The following COL6A3 variants were observed in gnomAD, a reference collection of about 807,000 sequenced individuals.
COL6A3 encodes collagen alpha-3(VI) chain.
Under a neutral mutation model 274.1 loss-of-function variants are expected in COL6A3, and 137 were observed. The observed-to-expected ratio is 0.50, with a 90% CI of 0.44 to 0.58. The LOEUF (loss-of-function observed/expected upper bound fraction) is 0.58. Among genes scored for constraint, COL6A3 ranks in the 20% least tolerant of loss-of-function variants. The pLI, the probability that COL6A3 is intolerant of heterozygous loss-of-function variation, is 0.00. For missense variants in COL6A3, 3,950 were observed against 4,124.9 expected (o/e 0.96, Z 1.16); for synonymous variants, 1,650 against 1,650.6 (o/e 1.00, Z 0.01).
rs1261167748 is a variant in COL6A3, at chr2:237,396,760, A to T, written c.58T>A (p.Phe20Ile). 2 of 1,614,220 alleles carry T rather than the reference A, an allele frequency of 1.2e-6. No homozygotes were observed. Among genetic ancestry groups the T allele is most frequent in the South Asian group, 2.2e-5 (2 of 91,082 alleles). ...TGCTGCTGGGCATGAGTTGTAGGAA[A>T]GCCTGAGAGAAAGAGGCAAAAGACG... ...VAVFCLFLSG[F>I]PTTHAQQQQA... is the part of the protein sequence containing the mutation. The change falls in exon 2 of 44, where the codon TTT (phenylalanine) becomes ATT (isoleucine). Residue 20 changes from phenylalanine to isoleucine, a missense_variant. Phe to Ile is a conservative substitution (Grantham distance 21). Around this residue, in one of 5 missense-constraint regions of COL6A3, gnomAD observed 1,934 missense variants for 1,984.3 expected, o/e 0.97. Coordinates refer to ENST00000295550, the MANE Select transcript of COL6A3 (RefSeq NM_004369.4).
Position 237,381,464 on chromosome 2 carries a change from C to T in COL6A3, c.1348G>A (p.Val450Met), listed in dbSNP as rs1462629244. 1.9e-6 allele frequency: 3 copies of T among 1,606,766 alleles called. No homozygotes were observed. The highest frequency in any genetic ancestry group is 2.7e-5 in the African/African-American group (2 of 74,918). Residue 450 changes from valine to methionine, a missense_variant, in exon 5 of 44, where the codon GTG becomes ATG. Transcript: ENST00000295550. ...AGTCCCAGTGCAGATGAGCCATCCA[C>T]CAGGAAGACTATGTCTCTCTTGTTG... ...EVNKRDIVFL[V>M]DGSSALGLAN...
chr2:237,381,114 G>A lies in COL6A3; in HGVS notation c.1698C>T (p.Ser566=), dbSNP rs1489034488. The A allele has an allele frequency of 2.5e-6, 4 of 1,614,256 alleles. No individual in the cohort carries two copies. Among genetic ancestry groups the A allele is most frequent in the Non-Finnish European group, 3.4e-6 (4 of 1,180,050 alleles). ...TTCTCTTCAGCTCCTGGGCAGGCTG[G>A]CTGATTTCATCTAGGGACTTACCAC... ...ITGGKSLDEI[S]QPAQELKRSS... Residue 566 remains serine, a synonymous_variant, in exon 5 of 44, where the codon AGC becomes AGT. Coordinates refer to ENST00000295550, the MANE Select transcript of COL6A3 (RefSeq NM_004369.4).
rs74971499 is a variant in COL6A3 at position 237,348,993 on chromosome 2, G to A, written c.6880-330C>T. Among the ~76,000 whole-genome samples the A allele has an allele frequency of 3.9e-4, 60 of 152,218 alleles. 1 individual carries two copies. The East Asian group carries it at 0.011, about 27-fold the overall frequency. On this transcript the variant is annotated intron_variant, in intron 28 of 43. Transcript: ENST00000295550. ...ACCCCAAGAATCTTAGAATTGACAG[G>A]AATCTTGATGGTTACTTTGATTCTA... is the stretch of plus-strand genomic sequence containing the variant.
At position 237,374,391 on chromosome 2, in the gene COL6A3, T is replaced by G. The variant is rs1236506612; in HGVS notation, c.3679+21A>C. 1 of 1,609,336 alleles carries G rather than the reference T, an allele frequency of 6.2e-7. No homozygotes were observed. The highest frequency in any genetic ancestry group is 8.5e-7 in the Non-Finnish European group (1 of 1,179,974). On this transcript the variant is annotated intron_variant, in intron 8 of 43. Coordinates refer to ENST00000295550, the MANE Select transcript of COL6A3 (RefSeq NM_004369.4). The surrounding 1 kb of genome is among the most constrained non-coding windows in gnomAD (Gnocchi z 4.8). ...CCCAGACAATGACACTGAGTGAGGA[T>G]GCAAAGAGTTCCCTGCGTACCTGGG...
intron 1 of COL6A3, among the ~76,000 whole-genome samples, chr2:237,397,357 TGGAA>T (rs1026754284): frequency 1.2e-4 from 12 of 103,972 alleles, no homozygotes; most frequent in Admixed American, 9.7e-4. Flanking sequence ...GAAGGAAGGA[TGGAA>T]GGAAGGAAGG....
intron 1 of COL6A3, among the ~76,000 whole-genome samples, chr2:237,397,464 A>AGAGGGAGG (rs576912214): frequency 8.1e-6 from 1 of 122,876 alleles, no homozygotes; most frequent in Admixed American, 8.8e-5. Context: ...AGAAAGAGAG[A>AGAGGGAGG]GAGGGAGGGA....
rs1553545646 is a variant in COL6A3 at position 237,339,076 on chromosome 2, A to G, written c.8506T>C (p.Cys2836Arg). 6.2e-7 allele frequency: 1 copy of G among 1,614,166 alleles called. No individual in the cohort carries two copies. The highest frequency in any genetic ancestry group is 8.5e-7 in the Non-Finnish European group (1 of 1,180,018). ...FYLSPDIRKQ[C>R]DWFQGDQPTK... is the part of the protein sequence containing the mutation. ...GGTTGGTCCCCTTGGAACCAATCACACTGTTTCCTGATATCTGGGGACAAG... is the reference window on the plus strand; with the variant it reads ...GGTTGGTCCCCTTGGAACCAATCACGCTGTTTCCTGATATCTGGGGACAAG... The change falls in exon 39 of 44, where the codon TGT (cysteine) becomes CGT (arginine). Residue 2836 changes from cysteine (C) to arginine (R), a missense_variant. Physicochemically the swap from Cys to Arg is radical, Grantham distance 180. Around this residue, in one of 5 missense-constraint regions of COL6A3, gnomAD observed 1,284 missense variants for 1,349.7 expected, o/e 0.95. Transcript: ENST00000295550.
chr2:237,348,729 C>T, intron 28 of COL6A3, 66 bp from the exon 29 acceptor site: 2 of 1,425,536 alleles, frequency 1.4e-6, no homozygotes, highest in Non-Finnish European at 2.0e-6. Context: ...ACCGTCTCTG[C>T]CCTGCCGCTG....
At chr2:237,388,692 T>C (rs900083752) in intron 3 of COL6A3, among the ~76,000 whole-genome samples, 1 of 152,240 alleles carries the variant, frequency 6.6e-6, no homozygotes, top group African/African-American at 2.4e-5. Flanking sequence ...CACGATTTGG[T>C]GATTCCTCAA....
At chr2:237,357,502 C>T (rs2077343954) in intron 22 of COL6A3, 111 bp from the exon 23 acceptor site, 1 of 1,024,452 alleles carries the variant, frequency 9.8e-7, no homozygotes. Context: ...GAGGAAGAGC[C>T]CGTCTGCAGG....
rs746239634 is a variant in COL6A3, at chr2:237,333,439, T to C, written c.9328+11A>G. ...AGTGCCATTAATGGACCTAATAGTT[T>C]CACAACTCACCTGTTTCAGTGAGAG... On this transcript the variant is annotated intron_variant, in intron 42 of 43. Transcript: ENST00000295550. 3 of 1,612,220 alleles carry C rather than the reference T, an allele frequency of 1.9e-6. No homozygotes were observed. Among genetic ancestry groups the C allele is most frequent in the Non-Finnish European group, 2.5e-6 (3 of 1,178,282 alleles).
rs781014458 is a variant in COL6A3, at chr2:237,395,065, A to G, written c.231T>C (p.His77=). ...TTCCGTTGAACTGGACCAGAGCAAA[A>G]TGGAAATCATTTTCTCCCACAGCTA... The part of the protein sequence containing the change: ...KSLAVGENDF[H]FALVQFNGNP... Residue 77 remains histidine, a synonymous_variant, in exon 3 of 44, where the codon CAT becomes CAC. Coordinates refer to ENST00000295550, the MANE Select transcript of COL6A3 (RefSeq NM_004369.4). 3.1e-6 allele frequency: 5 copies of G among 1,614,082 alleles called. No individual in the cohort carries two copies. The highest frequency in any genetic ancestry group is 4.2e-6 in the Non-Finnish European group (5 of 1,180,040).
At position 237,345,208 on chromosome 2, in the gene COL6A3, G is replaced by A; in HGVS notation, c.7098C>T (p.Pro2366=). The A allele has an allele frequency of 1.2e-6, 2 of 1,614,086 alleles. No individual in the cohort carries two copies. The highest frequency in any genetic ancestry group is 1.1e-5 in the South Asian group (1 of 91,064). The part of the protein sequence containing the change: ...GDPGYPGPAG[P]KGNRGDSIDQ... ...CGATGGAGTCGCCCCTGTTGCCCTTGGGACCCTGTAAAACCAAGGAACGAA... is the reference window on the plus strand; with the variant it reads ...CGATGGAGTCGCCCCTGTTGCCCTTAGGACCCTGTAAAACCAAGGAACGAA... Residue 2366 remains proline, a synonymous_variant, in exon 33 of 44, where the codon CCC becomes CCT. Coordinates refer to ENST00000295550, the MANE Select transcript of COL6A3 (RefSeq NM_004369.4).
rs185894227 is a variant in COL6A3, at chr2:237,351,787, G to A, written c.6754-595C>T. 2.4e-3 allele frequency among the ~76,000 whole-genome samples: 368 copies of A among 152,296 alleles called. 1 individual carries two copies. The highest frequency in any genetic ancestry group is 7.4e-3 in the African/African-American group (306 of 41,564). Reference sequence around the variant, plus strand: ...AGTTAAGTAAATGTTTTTTAAAAACGTCTAAAGATATGTATTTATCAGCTT... The same window carrying A: ...AGTTAAGTAAATGTTTTTTAAAAACATCTAAAGATATGTATTTATCAGCTT... On this transcript the variant is annotated intron_variant, in intron 26 of 43. Coordinates refer to ENST00000295550, the MANE Select transcript of COL6A3 (RefSeq NM_004369.4).
In COL6A3 at chr2:237,364,409, T is replaced by C. The variant is rs138314062; in HGVS notation, c.5858A>G (p.Asp1953Gly). The C allele has an allele frequency of 1.2e-6, 2 of 1,613,932 alleles. No homozygotes were observed. The highest frequency in any genetic ancestry group is 1.7e-6 in the Non-Finnish European group (2 of 1,179,892). Residue 1953 changes from aspartate to glycine, a missense_variant, in exon 13 of 44, where the codon GAT (aspartate) becomes GGT (glycine). Asp to Gly is a moderately conservative substitution (Grantham distance 94). Transcript: ENST00000295550. This position sits in a 1 kb window ranked among gnomAD's most constrained non-coding sequence, Gnocchi z 4.6. ...ATCAGCCAGATCTCCGTCTGCTCCA[T>C]CAGTAAAATGAATGACCACCTGCAG... ...DSVKVVIHFT[D>G]GADGDLADLH...
chr2:237,410,970 A>G (rs746968661), intron 1 of COL6A3, among the ~76,000 whole-genome samples: 2 of 152,172 alleles, frequency 1.3e-5, no homozygotes, highest in Non-Finnish European at 2.9e-5. Flanking sequence ...TAAAATTTGG[A>G]GGGTTTGCGG....
intron 42 of COL6A3, among the ~76,000 whole-genome samples, chr2:237,331,773 A>T (rs1700240392): frequency 6.6e-6 from 1 of 151,542 alleles, no homozygotes; most frequent in African/African-American, 2.4e-5. Flanking sequence ...AGGAAAACAC[A>T]CATATGCATG....
chr2:237,324,833 G>A lies in COL6A3; in HGVS notation c.9494-19C>T, dbSNP rs1473581980. On this transcript the variant is annotated intron_variant, in intron 43 of 43. Transcript: ENST00000295550. ...GCGAGCACTGAGCGTCGAGAGAGGG[G>A]GTGGGTGGGGTGAGGTGAGGAGCCG... The A allele has an allele frequency of 2.5e-6, 4 of 1,612,280 alleles. No individual in the cohort carries two copies. Among genetic ancestry groups the A allele is most frequent in the Non-Finnish European group, 3.4e-6 (4 of 1,179,492 alleles).
chr2:237,346,899 C>T (rs904975070), intron 31 of COL6A3, among the ~76,000 whole-genome samples: 40 of 151,368 alleles, frequency 2.6e-4, no homozygotes, highest in African/African-American at 8.8e-4. Flanking sequence ...TTAGCTAATG[C>T]GTTCAGTGTA....
Sources: gnomAD v4.1 joint callset for allele counts (sites outside exome capture counted in the v4.1 genomes callset) on GRCh38, gnomAD v4.1.1 for gene constraint, gnomAD v4.1.1 regional missense constraint, Gnocchi (gnomAD v3.1) non-coding constraint, MANE v1.5 for transcripts, NCBI Gene and HGNC (gene_info 2026-07-23, HGNC 2026-07-21) for gene names.